ZGRF1: variants seen among roughly 807,000 people sequenced by gnomAD.
The protein encoded by ZGRF1 is 5'-3' DNA helicase ZGRF1.
ZGRF1 carries 196 observed loss-of-function variants against 203.5 expected under a neutral mutation model. That is an observed-to-expected ratio of 0.96 (90% CI 0.86 to 1.08). ZGRF1 has a LOEUF of 1.08. Ranked by LOEUF, ZGRF1 falls within the 50% of genes least tolerant of loss-of-function variation. The pLI is 0.00. For synonymous variants in ZGRF1, 809 were observed against 841.3 expected, an observed-to-expected ratio of 0.96 and a Z score of 0.66; for missense variants, 2,326 against 2,416.3, an observed-to-expected ratio of 0.96 and a Z score of 0.78.
Position 112,562,480 on chromosome 4 carries a change from C to T in ZGRF1, c.4588G>A (p.Val1530Ile), listed in dbSNP as rs1370783315. Reference protein sequence around the residue: ...FPSNWPTNMVVHALLVCNAST... With the variant: ...FPSNWPTNMVIHALLVCNAST... The stretch of plus-strand genomic sequence containing the variant: ...GCATTACAAACCAATAACGCATGGA[C>T]AACCACTGTACAGAGGATGCAGAAA... The change falls in exon 18 of 28, where the codon GTC becomes ATC. Residue 1530 changes from valine (V) to isoleucine (I), a missense_variant. By Grantham distance (29) the Val-to-Ile change is conservative. Coordinates refer to ENST00000505019, the MANE Select transcript of ZGRF1 (RefSeq NM_018392.5). 1.3e-6 allele frequency: 2 copies of T among 1,584,346 alleles called. No homozygotes were observed. The highest frequency in any genetic ancestry group is 1.7e-6 in the Non-Finnish European group (2 of 1,156,704).
At chr4:112,541,673 C>A (rs1460615711) in intron 24 of ZGRF1, among the ~76,000 whole-genome samples, 1 of 151,882 alleles carries the variant, frequency 6.6e-6, no homozygotes, top group Non-Finnish European at 1.5e-5. Context: ...GGATTACAGG[C>A]ACCCACCATC....
Position 112,567,494 on chromosome 4 carries a change from G to A in ZGRF1, c.4439-4220C>T, listed in dbSNP as rs117788245. ...GTAACAATGTAAAATAATGACAGCC[G>A]AGTGCAGTGGCACACAACTGTAGTC... On this transcript the variant is annotated intron_variant, in intron 16 of 27. Coordinates refer to ENST00000505019, the MANE Select transcript of ZGRF1 (RefSeq NM_018392.5). 7.2e-3 allele frequency among the ~76,000 whole-genome samples: 1,092 copies of A among 152,248 alleles called. 33 individuals carry two copies. The East Asian group carries it at 0.093, about 13-fold the overall frequency.
chr4:112,624,952 G>C (rs1164638479), intron 3 of ZGRF1, among the ~76,000 whole-genome samples: 2 of 152,062 alleles, frequency 1.3e-5, no homozygotes, highest in Non-Finnish European at 2.9e-5. Flanking sequence ...TAACCCAAAG[G>C]TATATCAACT....
At chr4:112,560,705 T>C (rs1741792612) in intron 19 of ZGRF1, 28 bp downstream of exon 19, 2 of 1,528,146 alleles carry the variant, frequency 1.3e-6, no homozygotes, top group Non-Finnish European at 8.8e-7. Context: ...AGAAAACAAT[T>C]ACAATTATTT....
At chr4:112,549,748 A>C (rs1739549404) in intron 22 of ZGRF1, among the ~76,000 whole-genome samples, 2 of 152,170 alleles carry the variant, frequency 1.3e-5, no homozygotes, top group Non-Finnish European at 2.9e-5. Context: ...GTATACTTTT[A>C]ATATTATTTT....
chr4:112,554,886 T>TATA (rs1740653525), intron 20 of ZGRF1, 104 bp from the exon 21 acceptor site: 1 of 550,810 alleles, frequency 1.8e-6, no homozygotes, highest in African/African-American at 1.9e-5. Flanking sequence ...CAGTATATTT[T>TATA]AATTATAAAA....
intron 16 of ZGRF1, among the ~76,000 whole-genome samples, chr4:112,577,651 T>C (rs1165387859): frequency 1.6e-5 from 2 of 121,780 alleles, no homozygotes; most frequent in African/African-American, 5.7e-5. Context: ...AAAACAGACT[T>C]TAAACCAACA....
chr4:112,628,984 A>C, intron 3 of ZGRF1: 1 of 322,776 alleles, frequency 3.1e-6, no homozygotes, highest in East Asian at 8.0e-5. Context: ...AATTAGAAGA[A>C]TTAATCACAT....
chr4:112,563,392 C>A (rs902594317), intron 16 of ZGRF1, 118 bp from the exon 17 acceptor site: 4 of 647,928 alleles, frequency 6.2e-6, no homozygotes, highest in East Asian at 2.9e-5. Flanking sequence ...CATATACATA[C>A]ACAAGATGAG....
At chr4:112,623,417 G>A (rs1433378736) in intron 4 of ZGRF1, among the ~76,000 whole-genome samples, 1 of 152,016 alleles carries the variant, frequency 6.6e-6, no homozygotes, top group Non-Finnish European at 1.5e-5. Context: ...TTTTTGGTGA[G>A]AGAATATTAT....
chr4:112,623,795 T>C (rs377022994), intron 4 of ZGRF1, 22 bp downstream of exon 4: 10 of 1,306,100 alleles, frequency 7.7e-6, no homozygotes, highest in Non-Finnish European at 1.1e-5. Flanking sequence ...AACTTAAAAA[T>C]AAGATAAACA....
Position 112,623,877 on chromosome 4 carries a change from C to T in ZGRF1, c.103-1G>A. 1 of 1,550,430 alleles carries T rather than the reference C, an allele frequency of 6.4e-7. No individual in the cohort carries two copies. Among genetic ancestry groups the T allele is most frequent in the African/African-American group, 1.4e-5 (1 of 73,378 alleles). Reference sequence around the variant, plus strand: ...CTCCTTTGTCATCATATAAAATTGCCTGTATGAAAACAAAATAAATGTTAA... The same window carrying T: ...CTCCTTTGTCATCATATAAAATTGCTTGTATGAAAACAAAATAAATGTTAA... On this transcript the variant is annotated splice_acceptor_variant, in intron 3 of 27. Transcript: ENST00000505019. LOFTEE classifies it high-confidence loss of function.
In ZGRF1 at chr4:112,587,545, A is replaced by G; in HGVS notation, c.3512T>C (p.Phe1171Ser). The stretch of plus-strand genomic sequence containing the variant: ...CATCCCAGAAACAGCCTCAGCAAAG[A>G]AGCCATCAGTTATTCTCTTATCAAC... ...NRVDKRITDG[F>S]FAEAVSGMHF... Residue 1171 changes from phenylalanine (F) to serine (S), a missense_variant, in exon 12 of 28, where the codon TTC becomes TCC. By Grantham distance (155) the Phe-to-Ser change is radical (BLOSUM62 -2). Transcript: ENST00000505019. 1 of 1,613,928 alleles carries G rather than the reference A, an allele frequency of 6.2e-7. No individual in the cohort carries two copies. The highest frequency in any genetic ancestry group is 8.5e-7 in the Non-Finnish European group (1 of 1,179,854).
chr4:112,604,469 C>A (rs1210602337), intron 9 of ZGRF1, among the ~76,000 whole-genome samples: 1 of 151,982 alleles, frequency 6.6e-6, no homozygotes, highest in Non-Finnish European at 1.5e-5. Flanking sequence ...TACTGTAAGC[C>A]CCTTGTGAGC....
In ZGRF1 at chr4:112,578,484, C is replaced by A. The variant is rs1745626969; in HGVS notation, c.4438+3179G>T. ...TTCAAAAAATCAATGAATCCAGGAG[C>A]TGGTTTTTTGAAAAGATCAACAAAA... On this transcript the variant is annotated intron_variant, in intron 16 of 27. Transcript: ENST00000505019. 1.7e-5 allele frequency among the ~76,000 whole-genome samples: 2 copies of A among 119,970 alleles called. 1 individual carries two copies. 78.7% of individuals were successfully genotyped at this position (119,970 alleles called of 152,430 possible). A position where few individuals can be genotyped will look rare whatever the true frequency, so the allele number is the denominator to read the frequency against.
At chr4:112,607,936 G>A (rs576567954) in intron 8 of ZGRF1, 21 of 150,866 alleles carry the variant, frequency 1.4e-4, no homozygotes, top group African/African-American at 2.0e-4. Flanking sequence ...GTAAGAACCC[G>A]TCTGAAAAAA....
In ZGRF1 at chr4:112,587,389, G is replaced by A; in HGVS notation, c.3668C>T (p.Ser1223Phe). Reference sequence around the variant, plus strand: ...ATTCAGAGAAAGTACTTTCTTTCTGGAAACCGAATCTTGACTGCTAAAATC... The same window carrying A: ...ATTCAGAGAAAGTACTTTCTTTCTGAAAACCGAATCTTGACTGCTAAAATC... The part of the protein sequence containing the change: ...RQDFSSQDSV[S>F]RKKVLSLNLK... Residue 1223 changes from serine to phenylalanine, a missense_variant, in exon 12 of 28, where the codon TCC becomes TTC. Coordinates refer to ENST00000505019, the MANE Select transcript of ZGRF1 (RefSeq NM_018392.5). 1 of 1,613,804 alleles carries A rather than the reference G, an allele frequency of 6.2e-7. No individual in the cohort carries two copies. Among genetic ancestry groups the A allele is most frequent in the South Asian group, 1.1e-5 (1 of 91,078 alleles).
chr4:112,634,105 ATTTAT>A (rs1356492667), intron 1 of ZGRF1, among the ~76,000 whole-genome samples: 5 of 152,348 alleles, frequency 3.3e-5, no homozygotes, highest in African/African-American at 1.2e-4. Context: ...CTTACATATT[ATTTAT>A]AAGTTACATA....
intron 16 of ZGRF1, among the ~76,000 whole-genome samples, chr4:112,574,530 A>G (rs1225349110): frequency 6.6e-6 from 1 of 152,200 alleles, no homozygotes; most frequent in Admixed American, 6.5e-5. Context: ...AGATGAGGTA[A>G]TGGGGTTAAC....
Sources: allele counts gnomAD v4.1 joint callset (sites outside exome capture counted in the v4.1 genomes callset), GRCh38; gene constraint gnomAD v4.1.1; transcripts MANE v1.5; gene names NCBI Gene and HGNC (gene_info 2026-07-23, HGNC 2026-07-21).